UBE2D4: variants seen among roughly 807,000 people sequenced by gnomAD.
UBE2D4 encodes the protein ubiquitin-conjugating enzyme E2 D4.
UBE2D4 carries 17 observed loss-of-function variants against 23.0 expected under a neutral mutation model. That is an observed-to-expected ratio of 0.74 (90% CI 0.51 to 1.11). The LOEUF is 1.11. Among genes scored for constraint, UBE2D4 ranks in the 50% least tolerant of loss-of-function variants. The pLI is 0.00. For missense variants in UBE2D4, 139 were observed against 181.8 expected (o/e 0.76, Z 1.35); for synonymous variants, 61 against 69.4 (o/e 0.88, Z 0.60).
chr7:43,941,719 C>T (rs951867948), intron 2 of UBE2D4: 1 of 152,216 alleles, frequency 6.6e-6, no homozygotes, highest in Non-Finnish European at 1.5e-5. Flanking sequence ...TGGCTGAAGC[C>T]TAGCCAAGGC....
Position 43,956,056 on chromosome 7 carries a change from C to T in UBE2D4, c.*3361C>T, listed in dbSNP as rs767229876. The T allele has an allele frequency of 6.6e-6, 1 of 152,146 alleles. No individual in the cohort carries two copies. The highest frequency in any genetic ancestry group is 1.5e-5 in the Non-Finnish European group (1 of 68,038). 9.4% of individuals were successfully genotyped at this position (152,146 alleles called of 1,614,324 possible). Reference sequence around the variant, plus strand: ...CAGTTTTCTAGTTTTCCTGTTCCCACCCTGGTCTTTGCCTGATGACAGAGA... The same window carrying T: ...CAGTTTTCTAGTTTTCCTGTTCCCATCCTGGTCTTTGCCTGATGACAGAGA... On this transcript the variant is annotated 3_prime_UTR_variant, in exon 7 of 7. Coordinates refer to ENST00000222402, the MANE Select transcript of UBE2D4 (RefSeq NM_015983.4).
chr7:43,948,175 G>C (rs904160323), intron 4 of UBE2D4, among the ~76,000 whole-genome samples: 59 of 152,148 alleles, frequency 3.9e-4, no homozygotes, highest in African/African-American at 1.4e-3. Context: ...TTCTTTTGCT[G>C]TGCAGAAGCT....
intron 4 of UBE2D4, among the ~76,000 whole-genome samples, chr7:43,945,899 CA>C (rs941363209): frequency 1.3e-5 from 2 of 150,718 alleles, no homozygotes; most frequent in Non-Finnish European, 2.9e-5. Context: ...TCTCCTGCCT[CA>C]GCCTCCCAAG....
chr7:43,955,660 T>C lies in UBE2D4; in HGVS notation c.*2965T>C, dbSNP rs1049068065. The C allele has an allele frequency of 3.9e-5, 6 of 152,320 alleles. No individual in the cohort carries two copies. The highest frequency in any genetic ancestry group is 7.3e-5 in the Non-Finnish European group (5 of 68,030). The allele number at this position is 152,320 out of a possible 1,614,324, so 9.4% of individuals were successfully genotyped here. On this transcript the variant is annotated 3_prime_UTR_variant, in exon 7 of 7. Coordinates refer to ENST00000222402, the MANE Select transcript of UBE2D4 (RefSeq NM_015983.4). ...CAGAGAAGGTGCTTCCAAGACTGTC[T>C]GCAGAATTCCTTTCCTAGGGTCTGT...
intron 1 of UBE2D4, among the ~76,000 whole-genome samples, chr7:43,932,384 C>T (rs929056507): frequency 1.3e-5 from 2 of 152,230 alleles, no homozygotes; most frequent in African/African-American, 4.8e-5. Flanking sequence ...CAGGCCCCAC[C>T]CTCAACGTTG....
intron 1 of UBE2D4, 65 bp downstream of exon 1, chr7:43,926,621 G>T: frequency 2.0e-6 from 3 of 1,494,920 alleles, no homozygotes; most frequent in Admixed American, 2.4e-5. Flanking sequence ...GCGGGGCGCC[G>T]CTGCCGTGAA....
chr7:43,952,637 T>C lies in UBE2D4; in HGVS notation c.399-13T>C, dbSNP rs746540109. On this transcript the variant is annotated splice_polypyrimidine_tract_variant and intron_variant, in intron 6 of 6. Coordinates refer to ENST00000222402, the MANE Select transcript of UBE2D4 (RefSeq NM_015983.4). ...CAAGTGAGGGTGTCACTTCCTCTGC[T>C]TTTTTATTCCAGGTACAACAGACTA... is the stretch of plus-strand genomic sequence containing the variant. 77 of 1,612,814 alleles carry C rather than the reference T, an allele frequency of 4.8e-5. No homozygotes were observed. Among genetic ancestry groups the C allele is most frequent in the Non-Finnish European group, 6.2e-5 (73 of 1,179,048 alleles).
At chr7:43,936,203 G>C (rs914097069) in intron 1 of UBE2D4, among the ~76,000 whole-genome samples, 2 of 152,068 alleles carry the variant, frequency 1.3e-5, no homozygotes, top group African/African-American at 4.8e-5. Flanking sequence ...TACAATTAAA[G>C]TTTATGTGCA....
intron 4 of UBE2D4, chr7:43,947,289 C>G (rs1017603509): frequency 6.6e-6 from 1 of 152,150 alleles, no homozygotes; most frequent in African/African-American, 2.4e-5. Context: ...CCTGCACCAC[C>G]ATGCCCGGCT....
intron 5 of UBE2D4, among the ~76,000 whole-genome samples, chr7:43,950,137 A>T (rs6463212): frequency 0.65 from 98,365 of 152,060 alleles, 31,686 homozygotes; most frequent in Admixed American, 0.7. Flanking sequence ...ATTACAGGCA[A>T]GAGCCACCGC....
intron 1 of UBE2D4, among the ~76,000 whole-genome samples, chr7:43,932,984 G>GCATATATATATATA (rs1269226650): frequency 3.5e-5 from 3 of 85,794 alleles, no homozygotes; most frequent in African/African-American, 1.3e-4. Flanking sequence ...AAATGTTAAA[G>GCATATATATATATA]TATATATATA....
intron 5 of UBE2D4, among the ~76,000 whole-genome samples, chr7:43,950,127 A>G (rs978376599): frequency 1.3e-5 from 2 of 152,186 alleles, no homozygotes; most frequent in Non-Finnish European, 2.9e-5. Flanking sequence ...AAGTGCTGGG[A>G]TTACAGGCAA....
intron 5 of UBE2D4, among the ~76,000 whole-genome samples, chr7:43,950,362 C>T (rs976135636): frequency 4.0e-5 from 6 of 150,750 alleles, no homozygotes; most frequent in Non-Finnish European, 8.9e-5. Flanking sequence ...GGAATGAGAA[C>T]CAGGATGCAC....
chr7:43,954,203 G>A lies in UBE2D4; in HGVS notation c.*1508G>A, dbSNP rs1422065867. 1 of 150,960 alleles carries A rather than the reference G, an allele frequency of 6.6e-6. No homozygotes were observed. The allele number at this position is 150,960 out of a possible 1,614,324, so 9.4% of individuals were successfully genotyped here. On this transcript the variant is annotated 3_prime_UTR_variant, in exon 7 of 7. Transcript: ENST00000222402. ...ATTTAGGATCCTCCTGCTACCATAAGGCCCCTTTTGGGGTTCTTTGGGTGT... is the reference window on the plus strand; with the variant it reads ...ATTTAGGATCCTCCTGCTACCATAAAGCCCCTTTTGGGGTTCTTTGGGTGT...
rs1585894964 is a variant in UBE2D4, at chr7:43,953,444, A to C, written c.*749A>C. Reference sequence around the variant, plus strand: ...ACTCCATTTGATGAAGATTCTCACTACCGCCCGCTCCTCCCATAGGAGCCT... The same window carrying C: ...ACTCCATTTGATGAAGATTCTCACTCCCGCCCGCTCCTCCCATAGGAGCCT... On this transcript the variant is annotated 3_prime_UTR_variant, in exon 7 of 7. Transcript: ENST00000222402. 1 of 332,536 alleles carries C rather than the reference A, an allele frequency of 3.0e-6. No individual in the cohort carries two copies. The highest frequency in any genetic ancestry group is 5.9e-6 in the Non-Finnish European group (1 of 169,950). The allele number at this position is 332,536 out of a possible 1,614,324, so 20.6% of individuals were successfully genotyped here. A position where few individuals can be genotyped will look rare whatever the true frequency, so the allele number is the denominator to read the frequency against.
chr7:43,930,608 C>T (rs971672581), intron 1 of UBE2D4, among the ~76,000 whole-genome samples: 2 of 152,052 alleles, frequency 1.3e-5, no homozygotes, highest in Non-Finnish European at 2.9e-5. Flanking sequence ...GTGCCTGCCA[C>T]CACATCTGGC....
intron 2 of UBE2D4, among the ~76,000 whole-genome samples, chr7:43,940,538 C>A (rs1035689295): frequency 1.3e-5 from 2 of 152,184 alleles, no homozygotes; most frequent in Non-Finnish European, 2.9e-5. Context: ...GGCTAGCCAC[C>A]ACAGTCAGAC....
In UBE2D4 at chr7:43,952,859, T is replaced by C. The variant is rs907168172; in HGVS notation, c.*164T>C. 7 of 621,028 alleles carry C rather than the reference T, an allele frequency of 1.1e-5. No homozygotes were observed. In the South Asian group the frequency reaches 1.2e-4, roughly 11 times the overall value. 38.5% of individuals were successfully genotyped at this position (621,028 alleles called of 1,614,324 possible). A position where few individuals can be genotyped will look rare whatever the true frequency, so the allele number is the denominator to read the frequency against. On this transcript the variant is annotated 3_prime_UTR_variant, in exon 7 of 7. Transcript: ENST00000222402. ...CAGCTGCAGCATGTTGGTGCCATTTTCAGCAATTACGGCTTTGACAGTGCC... is the reference window on the plus strand; with the variant it reads ...CAGCTGCAGCATGTTGGTGCCATTTCCAGCAATTACGGCTTTGACAGTGCC...
In UBE2D4 at chr7:43,948,937, G is replaced by A. The variant is rs551025367; in HGVS notation, c.304+200G>A. On this transcript the variant is annotated intron_variant, in intron 5 of 6. Transcript: ENST00000222402. ...AGAACTTTGTGCCCCGCTCCCTGGC[G>A]CTTCTCAGCAGTCAATTGCCCTGGT... is the stretch of plus-strand genomic sequence containing the variant. 56 of 551,502 alleles carry A rather than the reference G, an allele frequency of 1.0e-4. No homozygotes were observed. The East Asian group carries it at 1.5e-3, about 15-fold the overall frequency. 34.2% of individuals were successfully genotyped at this position (551,502 alleles called of 1,614,324 possible). A position where few individuals can be genotyped will look rare whatever the true frequency, so the allele number is the denominator to read the frequency against.
Sources: gnomAD v4.1 joint callset for allele counts (sites outside exome capture counted in the v4.1 genomes callset) on GRCh38, gnomAD v4.1.1 for gene constraint, MANE v1.5 for transcripts, NCBI Gene and HGNC (gene_info 2026-07-23, HGNC 2026-07-21) for gene names.